SLC24A2: variants seen among roughly 807,000 people sequenced by gnomAD.
SLC24A2 encodes the protein solute carrier family 24 member 2.
A neutral mutation model predicts 62.0 loss-of-function variants in SLC24A2; 36 were observed. The observed-to-expected ratio is 0.58, with a 90% CI of 0.44 to 0.77. The LOEUF is 0.77. Among genes scored for constraint, SLC24A2 ranks in the 30% least tolerant of loss-of-function variants. SLC24A2 has a pLI of 0.00. For missense variants in SLC24A2, 846 were observed against 817.9 expected (o/e 1.03, Z -0.42); for synonymous variants, 358 against 294.0 (o/e 1.22, Z -2.23).
chr9:19,574,021 G>C (rs760745868), intron 6 of SLC24A2, among the ~76,000 whole-genome samples: 56 of 152,120 alleles, frequency 3.7e-4, no homozygotes, highest in Non-Finnish European at 4.4e-5. Flanking sequence ...TGCTTTGATC[G>C]GGTTGCTATC....
At chr9:19,534,343 A>AT (rs1186564873) in intron 8 of SLC24A2, among the ~76,000 whole-genome samples, 1 of 152,004 alleles carries the variant, frequency 6.6e-6, no homozygotes, top group Non-Finnish European at 1.5e-5. Flanking sequence ...TAAATTGTAC[A>AT]TTTTTTGTCT....
the SLC24A2 span, among the ~76,000 whole-genome samples, chr9:20,243,347 C>T: frequency 6.6e-6 from 1 of 152,144 alleles, no homozygotes; most frequent in South Asian, 2.1e-4. Flanking sequence ...CATACCAGCT[C>T]CTTCATTCTG....
chr9:19,886,673 A>G, the SLC24A2 span, among the ~76,000 whole-genome samples: 29 of 152,308 alleles, frequency 1.9e-4, no homozygotes, highest in Non-Finnish European at 3.7e-4. Context: ...AACCAGAAAT[A>G]CCATTTGACC....
chr9:19,686,953 TA>T (rs889460876), intron 2 of SLC24A2, among the ~76,000 whole-genome samples: 1 of 152,174 alleles, frequency 6.6e-6, no homozygotes, highest in South Asian at 2.1e-4. Flanking sequence ...CATGCAGCCA[TA>T]AAAAAGAATG....
chr9:19,662,922 T>G (rs1397345562), intron 2 of SLC24A2, among the ~76,000 whole-genome samples: 1 of 152,200 alleles, frequency 6.6e-6, no homozygotes, highest in African/African-American at 2.4e-5. Flanking sequence ...CTAACTGGTT[T>G]TAGATCACTA....
At chr9:19,630,957 C>T (rs748071809) in intron 2 of SLC24A2, among the ~76,000 whole-genome samples, 5 of 152,116 alleles carry the variant, frequency 3.3e-5, no homozygotes, top group Non-Finnish European at 7.4e-5. Context: ...AAAAGTGGGA[C>T]GCAGCAAGTT....
intron 8 of SLC24A2, among the ~76,000 whole-genome samples, chr9:19,544,520 AGTGTT>A (rs1335850225): frequency 3.3e-5 from 5 of 151,990 alleles, no homozygotes; most frequent in African/African-American, 1.2e-4. Flanking sequence ...GTTTCTTTAT[AGTGTT>A]GATGGTCTTT....
chr9:19,634,246 T>C (rs1818252053), intron 2 of SLC24A2, among the ~76,000 whole-genome samples: 1 of 151,054 alleles, frequency 6.6e-6, no homozygotes, highest in Non-Finnish European at 1.5e-5. Flanking sequence ...GTACTGGGAT[T>C]GAAATGCAGG....
At chr9:19,733,419 A>G (rs1196407936) in intron 2 of SLC24A2, among the ~76,000 whole-genome samples, 2 of 152,136 alleles carry the variant, frequency 1.3e-5, no homozygotes, top group Non-Finnish European at 2.9e-5. Flanking sequence ...CATCCAGCCC[A>G]TTGCCTCCTC....
the SLC24A2 span, among the ~76,000 whole-genome samples, chr9:19,876,824 G>C: frequency 1.3e-5 from 2 of 151,968 alleles, no homozygotes; most frequent in East Asian, 1.9e-4. Context: ...CCATATTTGT[G>C]GTTCACCAAA....
the SLC24A2 span, among the ~76,000 whole-genome samples, chr9:20,243,597 T>TA: frequency 6.6e-6 from 1 of 152,170 alleles, no homozygotes; most frequent in Non-Finnish European, 1.5e-5. Context: ...CACACACACT[T>TA]ACATGTACAC....
the SLC24A2 span, among the ~76,000 whole-genome samples, chr9:20,154,751 A>G: frequency 6.6e-6 from 1 of 151,754 alleles, no homozygotes; most frequent in Non-Finnish European, 1.5e-5. Flanking sequence ...GCCCAGAGGT[A>G]CAGTGATCTC....
rs1318465178 is a variant in SLC24A2, at chr9:19,622,435, C to G, written c.931-136G>C. ...TTTCTGCTCCTGGGATGAGTTAAGC[C>G]AAAACAGGGGACTAAGGATGTATAT... is the stretch of plus-strand genomic sequence containing the variant. On this transcript the variant is annotated intron_variant, in intron 2 of 10. Transcript: ENST00000341998. 3 of 823,022 alleles carry G rather than the reference C, an allele frequency of 3.6e-6. No homozygotes were observed. The African/African-American group carries it at 5.1e-5, about 14-fold the overall frequency. 51.0% of individuals were successfully genotyped at this position (823,022 alleles called of 1,614,324 possible).
chr9:19,872,622 C>T, the SLC24A2 span, among the ~76,000 whole-genome samples: 1 of 152,184 alleles, frequency 6.6e-6, no homozygotes, highest in South Asian at 2.1e-4. Flanking sequence ...TGATCCAGAA[C>T]TCTGTGCTCC....
chr9:19,747,087 T>A (rs559402946), intron 2 of SLC24A2, among the ~76,000 whole-genome samples: 62 of 152,288 alleles, frequency 4.1e-4, no homozygotes, highest in African/African-American at 1.4e-3. Flanking sequence ...CAAAATGGCA[T>A]ACAGAATGAT....
At chr9:19,769,903 A>G (rs1303225132) in intron 2 of SLC24A2, among the ~76,000 whole-genome samples, 4 of 152,080 alleles carry the variant, frequency 2.6e-5, no homozygotes, top group Non-Finnish European at 1.5e-5. Flanking sequence ...TGCTCAGTGC[A>G]GGGAGCCTTT....
chr9:19,740,807 G>A (rs188925305), intron 2 of SLC24A2, among the ~76,000 whole-genome samples: 5 of 151,796 alleles, frequency 3.3e-5, no homozygotes, highest in African/African-American at 1.2e-4. Flanking sequence ...ACGGATACCT[G>A]GGTGTTTGTT....
chr9:19,987,715 T>C, the SLC24A2 span, among the ~76,000 whole-genome samples: 1 of 152,326 alleles, frequency 6.6e-6, no homozygotes, highest in African/African-American at 2.4e-5. Flanking sequence ...CTGAGGAAAC[T>C]GTTAGCCTGA....
chr9:19,577,087 AG>A (rs749097896), intron 5 of SLC24A2, 65 bp from the exon 6 acceptor site: 11 of 1,298,182 alleles, frequency 8.5e-6, no homozygotes, highest in Non-Finnish European at 1.2e-5. Flanking sequence ...AGGGCCAAGC[AG>A]GTATGTGGCC....
Sources: allele counts gnomAD v4.1 joint callset (sites outside exome capture counted in the v4.1 genomes callset), GRCh38; gene constraint gnomAD v4.1.1; transcripts MANE v1.5; gene names NCBI Gene and HGNC (gene_info 2026-07-23, HGNC 2026-07-21).